MEIS2: variants seen among roughly 807,000 people sequenced by gnomAD.
The protein encoded by MEIS2 is Meis homeobox 2.
MEIS2 carries 9 observed loss-of-function variants against 58.6 expected under a neutral mutation model. The ratio of observed to expected loss-of-function variants is 0.15; its 90% confidence interval spans 0.09 to 0.27. MEIS2 has a LOEUF of 0.27. MEIS2 is among the 10% of genes least tolerant of loss of function. MEIS2 has a pLI of 1.00. For synonymous variants in MEIS2, 221 were observed against 228.4 expected (o/e 0.97, Z 0.29); for missense variants, 427 against 635.0 (o/e 0.67, Z 3.52).
intron 8 of MEIS2, among the ~76,000 whole-genome samples, chr15:37,007,360 C>T (rs2060959847): frequency 6.6e-6 from 1 of 151,958 alleles, no homozygotes; most frequent in South Asian, 2.1e-4. Context: ...AAGGTCCCAT[C>T]TCAATAAATA....
At chr15:36,978,701 T>C (rs933444948) in intron 8 of MEIS2, among the ~76,000 whole-genome samples, 1 of 152,236 alleles carries the variant, frequency 6.6e-6, no homozygotes, top group Admixed American at 6.5e-5. Flanking sequence ...TTGTATCTTT[T>C]ACAAAAAAAT....
At chr15:37,040,202 A>G (rs765165710) in intron 7 of MEIS2, among the ~76,000 whole-genome samples, 2 of 152,178 alleles carry the variant, frequency 1.3e-5, no homozygotes, top group Non-Finnish European at 2.9e-5. Context: ...AAATGAGGTA[A>G]GGAGATAGCA....
At chr15:36,995,989 A>ACATATGTG (rs1567159938) in intron 8 of MEIS2, among the ~76,000 whole-genome samples, 1 of 50,890 alleles carries the variant, frequency 2.0e-5, no homozygotes, top group Non-Finnish European at 5.4e-5. Context: ...ATATATATAT[A>ACATATGTG]TATATATATA....
chr15:36,988,402 G>A (rs550451292), intron 8 of MEIS2, among the ~76,000 whole-genome samples: 5 of 152,226 alleles, frequency 3.3e-5, no homozygotes, highest in South Asian at 2.1e-4. Flanking sequence ...TTCCAAATAC[G>A]AGTTCAGAGA....
intron 6 of MEIS2, among the ~76,000 whole-genome samples, chr15:37,092,477 C>T (rs569308879): frequency 3.9e-5 from 6 of 152,038 alleles, no homozygotes; most frequent in Admixed American, 2.0e-4. Flanking sequence ...ATTAATATTT[C>T]GGCCACAAAG....
At chr15:36,940,638 C>T (rs2058342264) in intron 9 of MEIS2, among the ~76,000 whole-genome samples, 1 of 152,148 alleles carries the variant, frequency 6.6e-6, no homozygotes, top group African/African-American at 2.4e-5. Context: ...AAATGTAATA[C>T]TTGGAGAAGG....
rs73389596 is a variant in MEIS2, at chr15:36,926,218, C to T, written c.977+24106G>A. Among the ~76,000 whole-genome samples the T allele has an allele frequency of 3.4e-3, 512 of 151,802 alleles. 3 individuals are homozygous for T. The highest frequency in any genetic ancestry group is 0.012 in the African/African-American group (503 of 41,364). ...TACAAGGTTGTCCCTGGACAGAACA[C>T]CTACTGCATACAACATTAAAGCAGA... On this transcript the variant is annotated intron_variant, in intron 9 of 11. Coordinates refer to ENST00000561208, the MANE Select transcript of MEIS2 (RefSeq NM_170675.5).
chr15:37,095,151 TG>T, intron 4 of MEIS2: 1 of 204,930 alleles, frequency 4.9e-6, no homozygotes, highest in Middle Eastern at 2.1e-3. Context: ...TGCGCTGGCC[TG>T]CCCCTCACCG....
chr15:36,939,121 T>G (rs1029106247), intron 9 of MEIS2, among the ~76,000 whole-genome samples: 5 of 152,176 alleles, frequency 3.3e-5, no homozygotes, highest in African/African-American at 1.2e-4. Context: ...TTCTTCCTGA[T>G]TCAAAACTAA....
chr15:36,995,956 GATATATATATATATATAT>G (rs539738718), intron 8 of MEIS2, among the ~76,000 whole-genome samples: 6,603 of 112,876 alleles, frequency 0.058, 654 homozygotes, highest in African/African-American at 0.2. Context: ...TCTAGTCTGA[GATATATATATATATATAT>G]ATATATATAT....
intron 8 of MEIS2, among the ~76,000 whole-genome samples, chr15:36,995,977 A>ATG (rs199765311): frequency 2.3e-4 from 7 of 29,942 alleles, no homozygotes; most frequent in South Asian, 2.2e-3. Context: ...ATATATATAT[A>ATG]TATATATATA....
At chr15:36,919,089 A>G (rs115345100) in intron 9 of MEIS2, among the ~76,000 whole-genome samples, 1 of 151,984 alleles carries the variant, frequency 6.6e-6, no homozygotes, top group East Asian at 1.9e-4. Context: ...CTGAGGTGGG[A>G]AAAATCACGT....
intron 6 of MEIS2, among the ~76,000 whole-genome samples, chr15:37,085,373 C>T (rs2141923896): frequency 6.6e-6 from 1 of 152,236 alleles, no homozygotes; most frequent in East Asian, 1.9e-4. Context: ...TTCTCAGCAT[C>T]AACTCTACAG....
intron 8 of MEIS2, among the ~76,000 whole-genome samples, chr15:36,955,136 C>CT (rs1170830378): frequency 1.3e-5 from 2 of 152,166 alleles, no homozygotes; most frequent in East Asian, 1.9e-4. Flanking sequence ...ATACCTTTTT[C>CT]TTTTTTTAAT....
chr15:36,955,536 T>TA (rs1208343226), intron 8 of MEIS2, among the ~76,000 whole-genome samples: 1 of 152,202 alleles, frequency 6.6e-6, no homozygotes, highest in Non-Finnish European at 1.5e-5. Context: ...TCTGTTATGG[T>TA]AAAATGAGAG....
chr15:37,043,289 T>C (rs2062509912), intron 7 of MEIS2, among the ~76,000 whole-genome samples: 1 of 152,204 alleles, frequency 6.6e-6, no homozygotes, highest in African/African-American at 2.4e-5. Flanking sequence ...ACTTTTTTTC[T>C]GTCTCTTTTT....
chr15:37,046,836 A>AATAT (rs3047040), intron 7 of MEIS2, among the ~76,000 whole-genome samples: 1 of 148,724 alleles, frequency 6.7e-6, no homozygotes, highest in Non-Finnish European at 1.5e-5. Flanking sequence ...TCGTTTAAAA[A>AATAT]ATATATATAT....
chr15:37,027,821 G>A lies in MEIS2; in HGVS notation c.900+8993C>T, dbSNP rs117356692. On this transcript the variant is annotated intron_variant, in intron 8 of 11. Coordinates refer to ENST00000561208, the MANE Select transcript of MEIS2 (RefSeq NM_170675.5). ...TTTAGGTTCCTCAAAGCAAAACTGA[G>A]AGGAAGGTACAGAGATTTCCCATAA... Among the ~76,000 whole-genome samples the A allele has an allele frequency of 1.4e-4, 21 of 151,726 alleles. No homozygotes were observed. The East Asian group carries it at 3.9e-3, about 28-fold the overall frequency.
intron 8 of MEIS2, among the ~76,000 whole-genome samples, chr15:37,010,082 T>A (rs2061079394): frequency 6.6e-6 from 1 of 152,010 alleles, no homozygotes; most frequent in Non-Finnish European, 1.5e-5. Flanking sequence ...TGTGGGTTTT[T>A]TTTGTTTTGT....
Sources: allele counts gnomAD v4.1 joint callset (sites outside exome capture counted in the v4.1 genomes callset), GRCh38; gene constraint gnomAD v4.1.1; transcripts MANE v1.5; gene names NCBI Gene and HGNC (gene_info 2026-07-23, HGNC 2026-07-21).